Variants in PLAGL1 observed in about 807,000 individuals in gnomAD.
The protein encoded by PLAGL1 is PLAG1 like zinc finger 1.
Under a neutral mutation model 4.6 loss-of-function variants are expected in PLAGL1, and 1 was observed. That is an observed-to-expected ratio of 0.22 (90% CI 0.08 to 1.03). PLAGL1 has a LOEUF of 1.03. Ranked by LOEUF, PLAGL1 falls within the 50% of genes least tolerant of loss-of-function variation. PLAGL1 has a pLI of 0.58. For missense variants in PLAGL1, 464 were observed against 570.4 expected (o/e 0.81, Z 1.90); for synonymous variants, 240 against 237.8 (o/e 1.01, Z -0.08).
upstream of PLAGL1, among the ~76,000 whole-genome samples, chr6:144,010,795 A>G (rs1795120628): frequency 6.6e-6 from 1 of 152,174 alleles, no homozygotes; most frequent in Non-Finnish European, 1.5e-5. This position sits in a 1 kb window ranked among gnomAD's most constrained non-coding sequence, Gnocchi z 4.1. Context: ...CTCAGAAATA[A>G]CACCACACAT....
At position 144,053,815 on chromosome 6, in the gene PLAGL1, C is replaced by T. The variant is rs1798751047; in HGVS notation, c.-151+10653G>A. On this transcript the variant is annotated intron_variant, in intron 1 of 3. Coordinates refer to the PLAGL1 transcript ENST00000437412. This position sits in a 1 kb window ranked among gnomAD's most constrained non-coding sequence, Gnocchi z 4.0. Reference sequence around the variant, plus strand: ...ACCTCGAGATCCTTATCAGCACATCCTTCTAGGCAGCTACAATAAAATATG... The same window carrying T: ...ACCTCGAGATCCTTATCAGCACATCTTTCTAGGCAGCTACAATAAAATATG... 6.6e-6 allele frequency among the ~76,000 whole-genome samples: 1 copy of T among 152,210 alleles called. No individual in the cohort carries two copies. Among genetic ancestry groups the T allele is most frequent in the Non-Finnish European group, 1.5e-5 (1 of 68,040 alleles).
rs1179612386 is a variant in PLAGL1, at chr6:143,973,952, G to GT, written c.-543-4975dup. 1.3e-5 allele frequency among the ~76,000 whole-genome samples: 2 copies of GT among 152,256 alleles called. No individual in the cohort carries two copies. Among genetic ancestry groups the GT allele is most frequent in the South Asian group, 2.1e-4 (1 of 4,828 alleles). ...AAAAGTGTGAACAGAGATATAACAG[G>GT]TTTTTTTGGATCCAGGTAATCACCC... On this transcript the variant is annotated intron_variant, in intron 2 of 7. Transcript: ENST00000674357. This position sits in a 1 kb window ranked among gnomAD's most constrained non-coding sequence, Gnocchi z 6.2.
intron 1 of PLAGL1, among the ~76,000 whole-genome samples, chr6:144,043,846 A>T (rs1797925279): frequency 6.6e-6 from 1 of 152,090 alleles, no homozygotes; most frequent in African/African-American, 2.4e-5. Flanking sequence ...TTATTGCCTC[A>T]ATTTCAGGGC....
At position 143,971,106 on chromosome 6, in the gene PLAGL1, T is replaced by TA. The variant is rs1270481063; in HGVS notation, c.-543-2129dup. On this transcript the variant is annotated intron_variant, in intron 2 of 7. Transcript: ENST00000674357. The surrounding 1 kb of genome is among the most constrained non-coding windows in gnomAD (Gnocchi z 4.7). ...TGCTATGCTTAATGCTTTTTTTTTT[T>TA]ATCTTCAAGTTAATACTTATGAGGG... 6.6e-6 allele frequency among the ~76,000 whole-genome samples: 1 copy of TA among 151,910 alleles called. No homozygotes were observed. Among genetic ancestry groups the TA allele is most frequent in the African/African-American group, 2.4e-5 (1 of 41,384 alleles).
chr6:144,009,923 G>T (rs1222359359), upstream of PLAGL1, among the ~76,000 whole-genome samples: 1 of 152,114 alleles, frequency 6.6e-6, no homozygotes, highest in Non-Finnish European at 1.5e-5. Context: ...TATCACCAAT[G>T]GCCATTTGGG....
Position 144,061,227 on chromosome 6 carries a change from C to T in PLAGL1, c.-151+3241G>A, listed in dbSNP as rs1007601204. Among the ~76,000 whole-genome samples, 6 of 152,200 alleles carry T rather than the reference C, an allele frequency of 3.9e-5. No homozygotes were observed. Among genetic ancestry groups the T allele is most frequent in the East Asian group, 1.9e-4 (1 of 5,202 alleles). ...ACCATAGCATGGAGCAGAAGAAACA[C>T]GCAGGACTAAATTCCAAAAGGGAGC... is the stretch of plus-strand genomic sequence containing the variant. On this transcript the variant is annotated intron_variant, in intron 1 of 3. Transcript: ENST00000437412. This position sits in a 1 kb window ranked among gnomAD's most constrained non-coding sequence, Gnocchi z 4.4.
At position 143,941,343 on chromosome 6, in the gene PLAGL1, A is replaced by ATCTT. The variant is rs1347386593; in HGVS notation, c.*77_*80dup. On this transcript the variant is annotated 3_prime_UTR_variant, in exon 8 of 8. Coordinates refer to ENST00000674357, the MANE Select transcript of PLAGL1 (RefSeq NM_001317162.2). This position sits in a 1 kb window ranked among gnomAD's most constrained non-coding sequence, Gnocchi z 6.0. ...CCATAGTCCCAGTCTCGTTTTCCAA[A>ATCTT]TCTTTCTCATATTGTAACTGACATT... 1.6e-5 allele frequency: 19 copies of ATCTT among 1,157,700 alleles called. No individual in the cohort carries two copies. Among genetic ancestry groups the ATCTT allele is most frequent in the Middle Eastern group, 2.9e-4 (1 of 3,402 alleles). 71.7% of individuals were successfully genotyped at this position (1,157,700 alleles called of 1,614,324 possible). A position where few individuals can be genotyped will look rare whatever the true frequency, so the allele number is the denominator to read the frequency against.
intron 2 of PLAGL1, among the ~76,000 whole-genome samples, chr6:143,980,461 C>A (rs891853861): frequency 4.8e-5 from 7 of 146,140 alleles, no homozygotes; most frequent in Non-Finnish European, 9.0e-5. Flanking sequence ...GGATTTTAAT[C>A]CTATCCAGTG....
chr6:144,040,096 A>G (rs1797607160), intron 1 of PLAGL1, among the ~76,000 whole-genome samples: 1 of 152,234 alleles, frequency 6.6e-6, no homozygotes, highest in South Asian at 2.1e-4. Flanking sequence ...GATAACATTT[A>G]ATGAGAAAAA....
Position 143,984,151 on chromosome 6 carries a change from C to T in PLAGL1, c.-544+984G>A, listed in dbSNP as rs936351168. Among the ~76,000 whole-genome samples, 26 of 152,122 alleles carry T rather than the reference C, an allele frequency of 1.7e-4. No homozygotes were observed. Among genetic ancestry groups the T allele is most frequent in the Non-Finnish European group, 3.5e-4 (24 of 68,018 alleles). ...GCTGTTTTAAGCTAATCCAACTGTC[C>T]TTTTATGGTCCAACTTGCGTTCTGC... On this transcript the variant is annotated intron_variant, in intron 2 of 7. Transcript: ENST00000674357. The surrounding 1 kb of genome is among the most constrained non-coding windows in gnomAD (Gnocchi z 5.5).
intron 1 of PLAGL1, among the ~76,000 whole-genome samples, chr6:144,042,774 A>T (rs888661662): frequency 6.6e-5 from 10 of 152,216 alleles, no homozygotes; most frequent in African/African-American, 2.4e-4. Flanking sequence ...CAGTATGGCC[A>T]TTTTCATGAT....
intron 1 of PLAGL1, among the ~76,000 whole-genome samples, chr6:144,014,210 C>G (rs967201615): frequency 1.3e-5 from 2 of 152,094 alleles, no homozygotes; most frequent in East Asian, 1.9e-4. Context: ...GCGGGCAGAT[C>G]ATTTGAGGTC....
At position 144,056,606 on chromosome 6, in the gene PLAGL1, T is replaced by G. The variant is rs551165429; in HGVS notation, c.-151+7862A>C. On this transcript the variant is annotated intron_variant, in intron 1 of 3. Transcript: ENST00000437412. The surrounding 1 kb of genome is among the most constrained non-coding windows in gnomAD (Gnocchi z 4.7). ...CCCTTTCAGGTTGGCTTCTTTCACT[T>G]AGTAATATGCATTTAAGATTCCTCC... is the stretch of plus-strand genomic sequence containing the variant. Among the ~76,000 whole-genome samples, 182 of 152,312 alleles carry G rather than the reference T, an allele frequency of 1.2e-3. 1 individual carries two copies. Among genetic ancestry groups the G allele is most frequent in the African/African-American group, 4.1e-3 (172 of 41,568 alleles).
rs1798479928 is a variant in PLAGL1, at chr6:144,050,183, C to T, written c.-151+14285G>A. Among the ~76,000 whole-genome samples the T allele has an allele frequency of 6.6e-6, 1 of 152,064 alleles. No individual in the cohort carries two copies. The highest frequency in any genetic ancestry group is 1.5e-5 in the Non-Finnish European group (1 of 68,026). ...TGAGTTTTGAGGGAAATTGAGACCA[C>T]CTAAGGGAACAAGAGATTCACATTG... is the stretch of plus-strand genomic sequence containing the variant. On this transcript the variant is annotated intron_variant, in intron 1 of 3. Transcript: ENST00000437412. This position sits in a 1 kb window ranked among gnomAD's most constrained non-coding sequence, Gnocchi z 4.3.
intron 1 of PLAGL1, among the ~76,000 whole-genome samples, chr6:144,024,522 C>T (rs115337487): frequency 0.012 from 1,888 of 152,218 alleles, 30 homozygotes; most frequent in African/African-American, 0.042. Flanking sequence ...TCTTGCCTGC[C>T]GCCATGTAAG....
chr6:144,002,126 G>T (rs1212685747), intron 1 of PLAGL1, among the ~76,000 whole-genome samples: 1 of 152,140 alleles, frequency 6.6e-6, no homozygotes, highest in Non-Finnish European at 1.5e-5. Context: ...TAACATGAGA[G>T]GAAGCTGGGT....
chr6:144,052,781 T>C (rs11757814), intron 1 of PLAGL1, among the ~76,000 whole-genome samples: 19,364 of 152,170 alleles, frequency 0.13, 1,386 homozygotes, highest in Admixed American at 0.24. Flanking sequence ...TGATTTTCTG[T>C]ATTTTTCCTT....
In PLAGL1 at chr6:143,978,697, T is replaced by C. The variant is rs1420538052; in HGVS notation, c.-544+6438A>G. Among the ~76,000 whole-genome samples the C allele has an allele frequency of 1.3e-5, 2 of 152,222 alleles. No individual in the cohort carries two copies. The highest frequency in any genetic ancestry group is 2.4e-5 in the African/African-American group (1 of 41,462). On this transcript the variant is annotated intron_variant, in intron 2 of 7. Coordinates refer to ENST00000674357, the MANE Select transcript of PLAGL1 (RefSeq NM_001317162.2). This position sits in a 1 kb window ranked among gnomAD's most constrained non-coding sequence, Gnocchi z 4.6. ...AACACTCTTTGTATGATTTAAATCC[T>C]TCAGAATTAATTGACTTATTTTCCC... is the stretch of plus-strand genomic sequence containing the variant.
rs1366335164 is a variant in PLAGL1, at chr6:144,015,141, G to A, written c.-150-46163C>T. Among the ~76,000 whole-genome samples, 5 of 152,290 alleles carry A rather than the reference G, an allele frequency of 3.3e-5. No homozygotes were observed. The East Asian group carries it at 9.6e-4, about 29-fold the overall frequency. ...TAGTTCAAACTGAAATGTGCTACAA[G>A]TGTAAAATATACTCTGGCTTTCAAA... On this transcript the variant is annotated intron_variant, in intron 1 of 3. Transcript: ENST00000437412. This position sits in a 1 kb window ranked among gnomAD's most constrained non-coding sequence, Gnocchi z 4.3.
Sources: allele counts gnomAD v4.1 joint callset (sites outside exome capture counted in the v4.1 genomes callset), GRCh38; gene constraint gnomAD v4.1.1; non-coding constraint Gnocchi (gnomAD v3.1); transcripts MANE v1.5; gene names NCBI Gene and HGNC (gene_info 2026-07-23, HGNC 2026-07-21).